Variants in TIMM23 observed in about 807,000 individuals in gnomAD.
TIMM23 encodes the protein translocase of inner mitochondrial membrane 23.
In TIMM23, 19 loss-of-function variants were observed where a neutral mutation model predicts 30.7. The ratio of observed to expected loss-of-function variants is 0.62; its 90% CI spans 0.43 to 0.91. The LOEUF is 0.91. Among genes scored for constraint, TIMM23 ranks in the 40% least tolerant of loss-of-function variants. The probability of loss-of-function intolerance (pLI) is 0.00; values close to 1 mark genes in which losing one functional copy is unlikely to be tolerated. For synonymous variants in TIMM23, 78 were observed against 98.5 expected (o/e 0.79, Z 1.23); for missense variants, 202 against 269.2 (o/e 0.75, Z 1.75).
intron 6 of TIMM23, chr10:45,992,268 A>G: frequency 2.4e-6 from 1 of 424,436 alleles, no homozygotes; most frequent in South Asian, 1.7e-5. Flanking sequence ...CAGCTGCCTG[A>G]ATTGTTTTTG....
At chr10:45,986,285 C>T (rs1219866841) in intron 5 of TIMM23, among the ~76,000 whole-genome samples, 76 of 152,228 alleles carry the variant, frequency 5.0e-4, no homozygotes, top group African/African-American at 1.8e-3. Context: ...GTCTGCATTC[C>T]TCCCACCCTC....
At chr10:45,975,983 A>G (rs1169527704) in intron 2 of TIMM23, among the ~76,000 whole-genome samples, 1 of 152,196 alleles carries the variant, frequency 6.6e-6, no homozygotes, top group Non-Finnish European at 1.5e-5. Context: ...TGTGTTTTCA[A>G]TAGAGACGGG....
intron 5 of TIMM23, 136 bp downstream of exon 5, chr10:45,985,577 A>C: frequency 1.8e-6 from 2 of 1,089,386 alleles, no homozygotes; most frequent in African/African-American, 1.6e-5. Context: ...CATAATGTAG[A>C]TACTACTTAG....
At chr10:45,979,561 C>G (rs1156841485) in intron 2 of TIMM23, among the ~76,000 whole-genome samples, 2 of 148,400 alleles carry the variant, frequency 1.3e-5, no homozygotes, top group Non-Finnish European at 3.0e-5. Context: ...TCTGCCTTGG[C>G]CTCCCAAAGT....
chr10:45,975,086 C>G (rs1473187836), intron 1 of TIMM23, among the ~76,000 whole-genome samples: 6 of 152,178 alleles, frequency 3.9e-5, no homozygotes, highest in African/African-American at 1.2e-4. Context: ...ATTGATTAGT[C>G]TTTTTTCAGT....
rs1405543788 is a variant in TIMM23 at position 45,973,488 on chromosome 10, C to T, written c.106+758C>T. ...CGAAAGTACTTTCTTTTTAGAGAATCCTTGTAATATTTCTCTAGGTATTTT... is the reference window on the plus strand; with the variant it reads ...CGAAAGTACTTTCTTTTTAGAGAATTCTTGTAATATTTCTCTAGGTATTTT... On this transcript the variant is annotated intron_variant, in intron 1 of 6. Coordinates refer to ENST00000580018, the MANE Select transcript of TIMM23 (RefSeq NM_006327.4). Among the ~76,000 whole-genome samples, 6 of 152,204 alleles carry T rather than the reference C, an allele frequency of 3.9e-5. No individual in the cohort carries two copies. In the East Asian group the frequency reaches 1.2e-3, roughly 29 times the overall value.
At chr10:45,989,969 A>G (rs74987095) in intron 6 of TIMM23, among the ~76,000 whole-genome samples, 1 of 152,220 alleles carries the variant, frequency 6.6e-6, no homozygotes, top group Non-Finnish European at 1.5e-5. Flanking sequence ...TTATCTTAAC[A>G]TCTAAAAGAT....
At chr10:46,002,135 T>TG (rs1838558295) in intron 6 of TIMM23, among the ~76,000 whole-genome samples, 1 of 152,054 alleles carries the variant, frequency 6.6e-6, no homozygotes, top group African/African-American at 2.4e-5. Flanking sequence ...GTGCATGAAG[T>TG]GGGGGGTGGT....
chr10:45,997,783 C>T (rs1263269824), intron 6 of TIMM23, among the ~76,000 whole-genome samples: 8 of 151,940 alleles, frequency 5.3e-5, no homozygotes, highest in South Asian at 2.1e-4. Context: ...CCAGCCTGGG[C>T]GACAGAGCAA....
chr10:45,992,502 G>C (rs1294997395), intron 6 of TIMM23: 1 of 455,114 alleles, frequency 2.2e-6, no homozygotes, highest in African/African-American at 2.0e-5. Flanking sequence ...ATAAACACTT[G>C]GAGGCTTATG....
Position 45,972,669 on chromosome 10 carries a change from G to A in TIMM23, c.45G>A (p.Leu15=). 1 of 1,614,032 alleles carries A rather than the reference G, an allele frequency of 6.2e-7. No homozygotes were observed. The highest frequency in any genetic ancestry group is 8.5e-7 in the Non-Finnish European group (1 of 1,179,876). The change falls in exon 1 of 7, where the codon TTG becomes TTA. Residue 15 remains leucine, a synonymous_variant. Coordinates refer to ENST00000580018, the MANE Select transcript of TIMM23 (RefSeq NM_006327.4). The stretch of plus-strand genomic sequence containing the variant: ...GCGGCAACAAAACCACAGGGGGATT[G>A]GCCGGCTTTTTCGGAGCCGGCGGAG... The part of the protein sequence containing the change: ...GGSGNKTTGG[L]AGFFGAGGAG...
At chr10:45,985,568 A>C in intron 5 of TIMM23, 127 bp downstream of exon 5, 1 of 1,137,946 alleles carries the variant, frequency 8.8e-7, no homozygotes, top group Non-Finnish European at 1.3e-6. Flanking sequence ...ATTCCAATGC[A>C]TAATGTAGAT....
intron 2 of TIMM23, among the ~76,000 whole-genome samples, chr10:45,981,924 A>G (rs1439056354): frequency 2.6e-5 from 4 of 152,142 alleles, no homozygotes; most frequent in Non-Finnish European, 5.9e-5. Context: ...CAGTCTTAGT[A>G]TTTTGGATGA....
chr10:45,997,727 C>G (rs901212387), intron 6 of TIMM23, among the ~76,000 whole-genome samples: 4 of 152,016 alleles, frequency 2.6e-5, no homozygotes, highest in Non-Finnish European at 5.9e-5. Flanking sequence ...ATCACTTGAG[C>G]TCAGAAGGTC....
chr10:45,972,525 C>A lies in TIMM23; in HGVS notation c.-100C>A. ...GGAAGGTCAGCGTGTGAAGTAGGCG[C>A]TGGCAACGCGGGGTTACCCGCTGTT... On this transcript the variant is annotated 5_prime_UTR_variant, in exon 1 of 7. The change creates a new upstream start codon in the 5' untranslated region. Transcript: ENST00000580018. 6.8e-7 allele frequency: 1 copy of A among 1,479,396 alleles called. No individual in the cohort carries two copies. Among genetic ancestry groups the A allele is most frequent in the Non-Finnish European group, 9.0e-7 (1 of 1,105,766 alleles). 91.6% of individuals were successfully genotyped at this position (1,479,396 alleles called of 1,614,324 possible). A position where few individuals can be genotyped will look rare whatever the true frequency, so the allele number is the denominator to read the frequency against.
At chr10:46,002,119 G>A (rs1838557469) in intron 6 of TIMM23, among the ~76,000 whole-genome samples, 2 of 152,182 alleles carry the variant, frequency 1.3e-5, no homozygotes, top group South Asian at 2.1e-4. Flanking sequence ...GGAGATTGAT[G>A]CGTCAGTGCA....
chr10:45,978,538 A>G (rs1837745220), intron 2 of TIMM23, among the ~76,000 whole-genome samples: 1 of 152,240 alleles, frequency 6.6e-6, no homozygotes, highest in African/African-American at 2.4e-5. Context: ...ATGTCTAATA[A>G]TGACATGAAA....
intron 6 of TIMM23, among the ~76,000 whole-genome samples, chr10:45,998,021 G>C (rs922817191): frequency 6.6e-6 from 1 of 152,154 alleles, no homozygotes; most frequent in African/African-American, 2.4e-5. Context: ...TTAGTATGTA[G>C]GTAAGGCTGT....
chr10:45,981,450 A>T (rs1166657647), intron 2 of TIMM23, among the ~76,000 whole-genome samples: 2 of 151,968 alleles, frequency 1.3e-5, no homozygotes, highest in Admixed American at 1.3e-4. Flanking sequence ...ATACAATTAT[A>T]TTATGACATG....
Sources: allele counts gnomAD v4.1 joint callset (sites outside exome capture counted in the v4.1 genomes callset), GRCh38; gene constraint gnomAD v4.1.1; transcripts MANE v1.5; gene names NCBI Gene and HGNC (gene_info 2026-07-23, HGNC 2026-07-21).